The following FOXR2 variants were observed in gnomAD, a reference collection of about 807,000 sequenced individuals.
FOXR2 encodes the protein forkhead box protein R2.
For synonymous variants in FOXR2, 109 were observed against 84.1 expected (o/e 1.30, Z -1.62); for missense variants, 234 against 227.1 (o/e 1.03, Z -0.20).
chrX:55,625,666 A>G lies in FOXR2; in HGVS notation c.*1019A>G, dbSNP rs1017086171. Among the ~76,000 whole-genome samples the G allele has an allele frequency of 1.5e-4, 17 of 111,390 alleles. No individual in the cohort carries two copies. The highest frequency in any genetic ancestry group is 2.9e-4 in the Admixed American group (3 of 10,428). ...ACTACATGAGGACCGTGAGTGACTA[A>G]GAGAAAACTATTAGGTGTTTGGACT... On this transcript the variant is annotated 3_prime_UTR_variant, in exon 1 of 1. Coordinates refer to ENST00000339140, the MANE Select transcript of FOXR2 (RefSeq NM_198451.4).
In FOXR2 at chrX:55,623,440, G is replaced by T. The variant is rs181159739; in HGVS notation, c.-272G>T. The T allele has an allele frequency of 1.3e-4, 37 of 287,212 alleles. No homozygotes were observed. Among genetic ancestry groups the T allele is most frequent in the Admixed American group, 2.3e-4 (4 of 17,238 alleles). 23.7% of individuals were successfully genotyped at this position (287,212 alleles called of 1,213,427 possible). On this transcript the variant is annotated 5_prime_UTR_variant, in exon 1 of 1. Transcript: ENST00000339140. ...CTTTCTGCTTCCAATCAAAGCTCAA[G>T]AATTCCACCTAAAAATGTTTTTCTG... is the stretch of plus-strand genomic sequence containing the variant.
chrX:55,624,066 G>A lies in FOXR2; in HGVS notation c.355G>A (p.Gly119Arg). 1.7e-6 allele frequency: 2 copies of A among 1,211,580 alleles called. No homozygotes were observed. Among genetic ancestry groups the A allele is most frequent in the Non-Finnish European group, 2.2e-6 (2 of 895,433 alleles). The change falls in exon 1 of 1, where the codon GGG (glycine) becomes AGG (arginine). Residue 119 changes from glycine (G) to arginine (R), a missense_variant. Physicochemically the swap from Gly to Arg is moderately radical, Grantham distance 125 (BLOSUM62 -2). Transcript: ENST00000339140. ...CCCTCAGCCCCCACAAAAAGACGAA[G>A]GGTCTAACTGCTCAGAGGACAAAGT... is the stretch of plus-strand genomic sequence containing the variant. ...PFPQPPQKDE[G>R]SNCSEDKVVE...
chrX:55,624,630 T>G lies in FOXR2; in HGVS notation c.919T>G (p.Ser307Ala). Reference sequence around the variant, plus strand: ...CATGAGTCAGCCAGAGTTGTTGACCTCTCTCTTTGATCTTTGAAATGCCAT... The same window carrying G: ...CATGAGTCAGCCAGAGTTGTTGACCGCTCTCTTTGATCTTTGAAATGCCAT... Reference protein sequence around the residue: ...ECMSQPELLTSLFDL With the variant: ...ECMSQPELLTALFDL The change falls in exon 1 of 1, where the codon TCT becomes GCT. Residue 307 changes from serine to alanine, a missense_variant. Physicochemically the swap from Ser to Ala is moderately conservative, Grantham distance 99. Coordinates refer to ENST00000339140, the MANE Select transcript of FOXR2 (RefSeq NM_198451.4). The G allele has an allele frequency of 1.7e-6, 2 of 1,201,352 alleles. No homozygotes were observed. Among genetic ancestry groups the G allele is most frequent in the Non-Finnish European group, 2.3e-6 (2 of 887,270 alleles).
At position 55,624,010 on chromosome X, in the gene FOXR2, G is replaced by A; in HGVS notation, c.299G>A (p.Gly100Glu). ...AGCCAGGAGGCCCCAAAGCCCAGTG[G>A]AAAAGAGGATCTGACAAACATTTCT... ...LGSQEAPKPS[G>E]KEDLTNISPF... The change falls in exon 1 of 1, where the codon GGA (glycine) becomes GAA (glutamate). Residue 100 changes from glycine to glutamate, a missense_variant. By Grantham distance (98) the Gly-to-Glu change is moderately conservative. Coordinates refer to ENST00000339140, the MANE Select transcript of FOXR2 (RefSeq NM_198451.4). 1 of 1,211,551 alleles carries A rather than the reference G, an allele frequency of 8.3e-7. No individual in the cohort carries two copies. Among genetic ancestry groups the A allele is most frequent in the Non-Finnish European group, 1.1e-6 (1 of 895,449 alleles).
rs1311992544 is a variant in FOXR2, at chrX:55,624,553, G to C, written c.842G>C (p.Trp281Ser). ...ACTAAGGAGGGGCACCGCCGCTTTTGGGAGGAGACTCGTGTCTTAGCCTTT... is the reference window on the plus strand; with the variant it reads ...ACTAAGGAGGGGCACCGCCGCTTTTCGGAGGAGACTCGTGTCTTAGCCTTT... ...KLTKEGHRRFWEETRVLAFAQ... is the reference protein window; with the variant it reads ...KLTKEGHRRFSEETRVLAFAQ... Residue 281 changes from tryptophan to serine, a missense_variant, in exon 1 of 1, where the codon TGG becomes TCG. Transcript: ENST00000339140. The C allele has an allele frequency of 3.3e-6, 4 of 1,210,067 alleles. No individual in the cohort carries two copies. The highest frequency in any genetic ancestry group is 4.5e-6 in the Non-Finnish European group (4 of 894,747).
Position 55,624,093 on chromosome X carries a change from G to T in FOXR2, c.382G>T (p.Val128Leu). 1.7e-6 allele frequency: 2 copies of T among 1,211,897 alleles called. No homozygotes were observed. Among genetic ancestry groups the T allele is most frequent in the South Asian group, 3.5e-5 (2 of 56,986 alleles). Residue 128 changes from valine (V) to leucine (L), a missense_variant, in exon 1 of 1, where the codon GTA becomes TTA. Val to Leu is a conservative substitution (Grantham distance 32). Coordinates refer to ENST00000339140, the MANE Select transcript of FOXR2 (RefSeq NM_198451.4). ...GTCTAACTGCTCAGAGGACAAAGTG[G>T]TAGAGTCTCTGCCATCTTCCTCCAG... Reference protein sequence around the residue: ...EGSNCSEDKVVESLPSSSSEQ... With the variant: ...EGSNCSEDKVLESLPSSSSEQ...
Position 55,624,154 on chromosome X carries a change from C to A in FOXR2, c.443C>A (p.Ser148Tyr). 1 of 1,211,635 alleles carries A rather than the reference C, an allele frequency of 8.3e-7. No individual in the cohort carries two copies. Among genetic ancestry groups the A allele is most frequent in the East Asian group, 3.0e-5 (1 of 33,833 alleles). ...CCTTTACAGAAGCAGGGTATCCATT[C>A]CCCCAGTGACTTTGAGCTCACAGAA... ...QSPLQKQGIH[S>Y]PSDFELTEEE... is the part of the protein sequence containing the mutation. Residue 148 changes from serine to tyrosine, a missense_variant, in exon 1 of 1, where the codon TCC (serine) becomes TAC (tyrosine). Coordinates refer to ENST00000339140, the MANE Select transcript of FOXR2 (RefSeq NM_198451.4).
chrX:55,623,605 T>C lies in FOXR2; in HGVS notation c.-107T>C, dbSNP rs1203868299. ...CTAGCAGGCCTACTGATAAGCTCCC[T>C]AGATGAGATACACTGCATAAAAAAA... On this transcript the variant is annotated 5_prime_UTR_variant, in exon 1 of 1. Coordinates refer to ENST00000339140, the MANE Select transcript of FOXR2 (RefSeq NM_198451.4). 3 of 549,183 alleles carry C rather than the reference T, an allele frequency of 5.5e-6. No homozygotes were observed. The highest frequency in any genetic ancestry group is 5.2e-4 in the Middle Eastern group (1 of 1,935). 45.3% of individuals were successfully genotyped at this position (549,183 alleles called of 1,213,427 possible). A position where few individuals can be genotyped will look rare whatever the true frequency, so the allele number is the denominator to read the frequency against.
In FOXR2 at chrX:55,623,701, C is replaced by A; in HGVS notation, c.-11C>A. 2.6e-6 allele frequency: 3 copies of A among 1,164,749 alleles called. No individual in the cohort carries two copies. Among genetic ancestry groups the A allele is most frequent in the South Asian group, 1.8e-5 (1 of 54,591 alleles). Reference sequence around the variant, plus strand: ...TTCAGAAGTCTCTCTCCACCTATCTCTCCAGTAAAGATGGACTTAAAACTA... The same window carrying A: ...TTCAGAAGTCTCTCTCCACCTATCTATCCAGTAAAGATGGACTTAAAACTA... On this transcript the variant is annotated 5_prime_UTR_variant, in exon 1 of 1. Coordinates refer to ENST00000339140, the MANE Select transcript of FOXR2 (RefSeq NM_198451.4).
In FOXR2 at chrX:55,624,999, G is replaced by A. The variant is rs998302466; in HGVS notation, c.*352G>A. 1 of 178,039 alleles carries A rather than the reference G, an allele frequency of 5.6e-6. No homozygotes were observed. The highest frequency in any genetic ancestry group is 3.0e-5 in the African/African-American group (1 of 33,150). 14.7% of individuals were successfully genotyped at this position (178,039 alleles called of 1,213,427 possible). ...ATTTTCACACATGAAAGTGAACAGT[G>A]GAATATAAAGCATAAAAGGCAGGAT... On this transcript the variant is annotated 3_prime_UTR_variant, in exon 1 of 1. Transcript: ENST00000339140.
rs756014275 is a variant in FOXR2 at position 55,624,468 on chromosome X, G to A, written c.757G>A (p.Val253Met). 3 of 1,211,877 alleles carry A rather than the reference G, an allele frequency of 2.5e-6. No individual in the cohort carries two copies. The highest frequency in any genetic ancestry group is 3.3e-6 in the Non-Finnish European group (3 of 895,525). Residue 253 changes from valine (V) to methionine (M), a missense_variant, in exon 1 of 1, where the codon GTG becomes ATG. Coordinates refer to ENST00000339140, the MANE Select transcript of FOXR2 (RefSeq NM_198451.4). ...NLCFLDSFEKVPDSLKDEDNA... is the reference protein window; with the variant it reads ...NLCFLDSFEKMPDSLKDEDNA... ...CTGCTTCCTGGACAGCTTTGAGAAG[G>A]TGCCAGACAGCCTTAAGGATGAAGA...
chrX:55,623,978 C>G lies in FOXR2; in HGVS notation c.267C>G (p.Pro89=). 8.3e-7 allele frequency: 1 copy of G among 1,211,532 alleles called. No homozygotes were observed. The highest frequency in any genetic ancestry group is 1.1e-6 in the Non-Finnish European group (1 of 895,452). ...GGGTGGACCCCAATATCCTGTGCCC[C>G]CTTGGCAGCCAGGAGGCCCCAAAGC... ...WMWVDPNILC[P]LGSQEAPKPS... Residue 89 remains proline, a synonymous_variant, in exon 1 of 1, where the codon CCC becomes CCG. Transcript: ENST00000339140.
At position 55,623,984 on chromosome X, in the gene FOXR2, C is replaced by T. The variant is rs1247008233; in HGVS notation, c.273C>T (p.Gly91=). 1.7e-6 allele frequency: 2 copies of T among 1,209,697 alleles called. No individual in the cohort carries two copies. The highest frequency in any genetic ancestry group is 2.2e-5 in the Admixed American group (1 of 45,698). ...WVDPNILCPL[G]SQEAPKPSGK... is the part of the protein sequence containing the mutation. ...ACCCCAATATCCTGTGCCCCCTTGG[C>T]AGCCAGGAGGCCCCAAAGCCCAGTG... The change falls in exon 1 of 1, where the codon GGC becomes GGT. Residue 91 remains glycine (G), a synonymous_variant. Coordinates refer to ENST00000339140, the MANE Select transcript of FOXR2 (RefSeq NM_198451.4).
rs1005589260 is a variant in FOXR2, at chrX:55,625,641, A to T, written c.*994A>T. Among the ~76,000 whole-genome samples the T allele has an allele frequency of 1.8e-5, 2 of 111,483 alleles. No homozygotes were observed. Among genetic ancestry groups the T allele is most frequent in the Non-Finnish European group, 3.8e-5 (2 of 53,068 alleles). ...ATGGCATGAAGTTCAGTGTGACTTA[A>T]CTACATGAGGACCGTGAGTGACTAA... On this transcript the variant is annotated 3_prime_UTR_variant, in exon 1 of 1. Transcript: ENST00000339140.
Position 55,624,475 on chromosome X carries a change from A to G in FOXR2, c.764A>G (p.Asp255Gly). 1 of 1,211,995 alleles carries G rather than the reference A, an allele frequency of 8.3e-7. No homozygotes were observed. Among genetic ancestry groups the G allele is most frequent in the Non-Finnish European group, 1.1e-6 (1 of 895,543 alleles). Residue 255 changes from aspartate (D) to glycine (G), a missense_variant, in exon 1 of 1, where the codon GAC (aspartate) becomes GGC (glycine). Asp to Gly is a moderately conservative substitution (Grantham distance 94, BLOSUM62 -1). Coordinates refer to ENST00000339140, the MANE Select transcript of FOXR2 (RefSeq NM_198451.4). ...CFLDSFEKVP[D>G]SLKDEDNARP... Reference sequence around the variant, plus strand: ...CTGGACAGCTTTGAGAAGGTGCCAGACAGCCTTAAGGATGAAGATAATGCA... The same window carrying G: ...CTGGACAGCTTTGAGAAGGTGCCAGGCAGCCTTAAGGATGAAGATAATGCA...
chrX:55,623,949 A>G lies in FOXR2; in HGVS notation c.238A>G (p.Met80Val). The G allele has an allele frequency of 4.1e-6, 5 of 1,211,128 alleles. No individual in the cohort carries two copies. The highest frequency in any genetic ancestry group is 5.6e-6 in the Non-Finnish European group (5 of 895,016). The stretch of plus-strand genomic sequence containing the variant: ...TCCTCCCTGTGAACCCAATCTGTGG[A>G]TGTGGGTGGACCCCAATATCCTGTG... ...DGPPCEPNLW[M>V]WVDPNILCPL... Residue 80 changes from methionine (M) to valine (V), a missense_variant, in exon 1 of 1, where the codon ATG becomes GTG. Transcript: ENST00000339140.
Position 55,623,781 on chromosome X carries a change from T to C in FOXR2, c.70T>C (p.Trp24Arg), listed in dbSNP as rs1350547238. 7.4e-6 allele frequency: 9 copies of C among 1,211,553 alleles called. No individual in the cohort carries two copies. The highest frequency in any genetic ancestry group is 1.0e-5 in the Non-Finnish European group (9 of 895,102). ...LHGQVPGLLD[W>R]DMRNELFLPC... ...TGGCCAGGTCCCAGGGCTGCTGGAC[T>C]GGGACATGAGGAATGAGTTATTTCT... Residue 24 changes from tryptophan (W) to arginine (R), a missense_variant, in exon 1 of 1, where the codon TGG (tryptophan) becomes CGG (arginine). By Grantham distance (101) the Trp-to-Arg change is moderately radical. Coordinates refer to ENST00000339140, the MANE Select transcript of FOXR2 (RefSeq NM_198451.4).
chrX:55,624,102 C>A lies in FOXR2; in HGVS notation c.391C>A (p.Leu131Met), dbSNP rs2032318571. Residue 131 changes from leucine to methionine, a missense_variant, in exon 1 of 1, where the codon CTG becomes ATG. Physicochemically the swap from Leu to Met is conservative, Grantham distance 15 (BLOSUM62 2). Coordinates refer to ENST00000339140, the MANE Select transcript of FOXR2 (RefSeq NM_198451.4). Reference sequence around the variant, plus strand: ...CTCAGAGGACAAAGTGGTAGAGTCTCTGCCATCTTCCTCCAGTGAGCAGTC... The same window carrying A: ...CTCAGAGGACAAAGTGGTAGAGTCTATGCCATCTTCCTCCAGTGAGCAGTC... ...NCSEDKVVES[L>M]PSSSSEQSPL... is the part of the protein sequence containing the mutation. The A allele has an allele frequency of 8.3e-7, 1 of 1,212,027 alleles. No homozygotes were observed. The highest frequency in any genetic ancestry group is 3.0e-5 in the East Asian group (1 of 33,837).
In FOXR2 at chrX:55,624,606, A is replaced by G. The variant is rs764447916; in HGVS notation, c.895A>G (p.Met299Val). 1 of 1,210,438 alleles carries G rather than the reference A, an allele frequency of 8.3e-7. No individual in the cohort carries two copies. Among genetic ancestry groups the G allele is most frequent in the South Asian group, 1.8e-5 (1 of 56,916 alleles). The change falls in exon 1 of 1, where the codon ATG becomes GTG. Residue 299 changes from methionine to valine, a missense_variant. Coordinates refer to ENST00000339140, the MANE Select transcript of FOXR2 (RefSeq NM_198451.4). The part of the protein sequence containing the change: ...FAQRERIQEC[M>V]SQPELLTSLF... ...TCAAAGGGAGAGAATCCAAGAGTGC[A>G]TGAGTCAGCCAGAGTTGTTGACCTC...
Sources: gnomAD v4.1 joint callset for allele counts (sites outside exome capture counted in the v4.1 genomes callset) on GRCh38, gnomAD v4.1.1 for gene constraint, MANE v1.5 for transcripts, NCBI Gene and HGNC (gene_info 2026-07-23, HGNC 2026-07-21) for gene names.